Variants in DACH1 observed in about 807,000 individuals in gnomAD.
DACH1 encodes the protein dachshund homolog 1.
Under a neutral mutation model 54.2 loss-of-function variants are expected in DACH1, and 12 were observed. The ratio of observed to expected loss-of-function variants is 0.22; its 90% CI spans 0.14 to 0.36. The LOEUF (loss-of-function observed/expected upper bound fraction) is 0.36, where lower values mean the gene tolerates loss of function less well. Among genes scored for constraint, DACH1 ranks in the 10% least tolerant of loss-of-function variants. The pLI, the probability that DACH1 is intolerant of heterozygous loss-of-function variation, is 1.00. For missense variants in DACH1, 805 were observed against 929.8 expected, an observed-to-expected ratio of 0.87 and a Z score of 1.75; for synonymous variants, 386 against 366.2, an observed-to-expected ratio of 1.05 and a Z score of -0.62.
intron 1 of DACH1, among the ~76,000 whole-genome samples, chr13:71,753,366 C>T (rs545134002): frequency 6.6e-6 from 1 of 152,266 alleles, no homozygotes; most frequent in Non-Finnish European, 1.5e-5. Flanking sequence ...CTTCTTACTG[C>T]ACTCCTGCTG....
intron 1 of DACH1, among the ~76,000 whole-genome samples, chr13:71,719,470 TG>T (rs1250496521): frequency 1.3e-5 from 2 of 152,272 alleles, no homozygotes; most frequent in African/African-American, 4.8e-5. Flanking sequence ...TACAATTTCA[TG>T]CAATGCAAAG....
chr13:71,627,759 T>C (rs977889877), intron 3 of DACH1, among the ~76,000 whole-genome samples: 6 of 152,040 alleles, frequency 3.9e-5, no homozygotes, highest in Non-Finnish European at 7.4e-5. Context: ...TAGAATGAGC[T>C]AATATTGAAT....
chr13:71,507,772 A>G (rs1195150113), intron 6 of DACH1, among the ~76,000 whole-genome samples: 1 of 152,214 alleles, frequency 6.6e-6, no homozygotes, highest in East Asian at 1.9e-4. Flanking sequence ...TATGGAGATA[A>G]TACATAACTT....
At chr13:71,526,769 A>G (rs1032765676) in intron 6 of DACH1, among the ~76,000 whole-genome samples, 12 of 151,304 alleles carry the variant, frequency 7.9e-5, no homozygotes, top group African/African-American at 2.9e-4. Context: ...AAGAATGCTT[A>G]CAATAAACTT....
chr13:71,524,787 AT>A (rs565658949), intron 6 of DACH1, among the ~76,000 whole-genome samples: 90 of 149,044 alleles, frequency 6.0e-4, no homozygotes, highest in East Asian at 1.8e-3. Context: ...CAGCAATGTT[AT>A]TTTTTTTTTA....
intron 3 of DACH1, among the ~76,000 whole-genome samples, chr13:71,625,381 C>A (rs1389280627): frequency 6.6e-6 from 1 of 151,926 alleles, no homozygotes; most frequent in Non-Finnish European, 1.5e-5. Context: ...TAAAATTAAT[C>A]TTTTCCTTCC....
chr13:71,793,383 A>C (rs1170402809), intron 1 of DACH1, among the ~76,000 whole-genome samples: 2 of 152,164 alleles, frequency 1.3e-5, no homozygotes, highest in Admixed American at 1.3e-4. Flanking sequence ...GAAGAATCTG[A>C]ATTAAGTTTC....
intron 1 of DACH1, among the ~76,000 whole-genome samples, chr13:71,822,258 T>G (rs2138185584): frequency 6.6e-6 from 1 of 152,322 alleles, no homozygotes; most frequent in Middle Eastern, 3.4e-3. Flanking sequence ...ATTTCCACTA[T>G]ATTTGTAGTG....
intron 1 of DACH1, among the ~76,000 whole-genome samples, chr13:71,816,033 C>T (rs1346198113): frequency 2.0e-5 from 3 of 151,574 alleles, no homozygotes; most frequent in Non-Finnish European, 2.9e-5. Context: ...TGCAGTGAGC[C>T]GAGATCGCGC....
chr13:71,487,525 G>A (rs748816683), intron 7 of DACH1, among the ~76,000 whole-genome samples: 16 of 152,120 alleles, frequency 1.1e-4, no homozygotes, highest in Non-Finnish European at 2.2e-4. Flanking sequence ...TCCAAACTGA[G>A]AGGATTTGAC....
intron 3 of DACH1, among the ~76,000 whole-genome samples, chr13:71,577,057 C>T (rs993158841): frequency 2.6e-5 from 4 of 152,118 alleles, no homozygotes; most frequent in Non-Finnish European, 5.9e-5. Flanking sequence ...TGAGGAACTT[C>T]CTAACTGCAC....
At chr13:71,548,979 A>AG (rs1883634360) in intron 6 of DACH1, among the ~76,000 whole-genome samples, 17 of 152,060 alleles carry the variant, frequency 1.1e-4, no homozygotes, top group Non-Finnish European at 1.3e-4. Flanking sequence ...TCTCACTCAA[A>AG]TAGACATAGT....
At position 71,459,715 on chromosome 13, in the gene DACH1, A is replaced by C. The variant is rs117056708; in HGVS notation, c.2083+15426T>G. On this transcript the variant is annotated intron_variant, in intron 10 of 10. Transcript: ENST00000613252. ...CACATTGCTAACTCATTTTATTCAG[A>C]AATCATAAATCCTGCCAATACTGAA... Among the ~76,000 whole-genome samples, 823 of 151,948 alleles carry C rather than the reference A, an allele frequency of 5.4e-3. 8 individuals carry two copies. The highest frequency in any genetic ancestry group is 0.01 in the Middle Eastern group (3 of 294).
intron 1 of DACH1, among the ~76,000 whole-genome samples, chr13:71,691,788 C>T (rs971229887): frequency 2.0e-5 from 3 of 152,170 alleles, no homozygotes; most frequent in African/African-American, 7.2e-5. Context: ...ACTATACCTT[C>T]CCTCAAGTAG....
chr13:71,786,667 A>AT (rs1886603497), intron 1 of DACH1, among the ~76,000 whole-genome samples: 1 of 152,060 alleles, frequency 6.6e-6, no homozygotes, highest in Non-Finnish European at 1.5e-5. Flanking sequence ...AATTAACAAT[A>AT]TTTTTTGTTT....
intron 3 of DACH1, among the ~76,000 whole-genome samples, chr13:71,574,041 G>A (rs1885385528): frequency 6.6e-6 from 1 of 152,010 alleles, no homozygotes; most frequent in African/African-American, 2.4e-5. Context: ...ATTGTACAGA[G>A]AACACAAAAG....
chr13:71,599,524 C>T (rs1234809562), intron 3 of DACH1, among the ~76,000 whole-genome samples: 1 of 152,020 alleles, frequency 6.6e-6, no homozygotes, highest in Non-Finnish European at 1.5e-5. Context: ...GAGAGACACT[C>T]AAAGCTATAT....
Position 71,681,861 on chromosome 13 carries a change from C to T in DACH1, c.898G>A (p.Glu300Lys). Residue 300 changes from glutamate to lysine, a missense_variant, in exon 2 of 11, where the codon GAG becomes AAG. Physicochemically the swap from Glu to Lys is moderately conservative, Grantham distance 56 (BLOSUM62 1). Coordinates refer to ENST00000613252, the MANE Select transcript of DACH1 (RefSeq NM_080759.6). ...GAATGCGGCATGATGTGAGAGTTCT[C>T]TGGGGAGGTGACACTTTGAGTCCTC... is the stretch of plus-strand genomic sequence containing the variant. ...PKRTQSVTSP[E>K]NSHIMPHSVP... 6.2e-7 allele frequency: 1 copy of T among 1,613,948 alleles called. No individual in the cohort carries two copies. The highest frequency in any genetic ancestry group is 8.5e-7 in the Non-Finnish European group (1 of 1,179,906).
intron 1 of DACH1, among the ~76,000 whole-genome samples, chr13:71,834,854 C>A (rs1888721126): frequency 6.6e-6 from 1 of 152,010 alleles, no homozygotes; most frequent in Admixed American, 6.6e-5. Flanking sequence ...TGAATAGATA[C>A]CCACATATTT....
Sources: gnomAD v4.1 joint callset for allele counts (sites outside exome capture counted in the v4.1 genomes callset) on GRCh38, gnomAD v4.1.1 for gene constraint, MANE v1.5 for transcripts, NCBI Gene and HGNC (gene_info 2026-07-23, HGNC 2026-07-21) for gene names.